The following CCR5AS variants were observed in gnomAD, a reference collection of about 807,000 sequenced individuals.
CCR5AS encodes the protein CCR5 antisense RNA.
chr3:46,403,361 C>T (rs1459742905), intron 1 of CCR5AS, among the ~76,000 whole-genome samples: 1 of 152,180 alleles, frequency 6.6e-6, no homozygotes, highest in Non-Finnish European at 1.5e-5. Flanking sequence ...CATCCCTTCC[C>T]TGAACTAAAT....
intron 2 of CCR5AS, among the ~76,000 whole-genome samples, chr3:46,379,025 AT>A (rs1224887957): frequency 9.5e-5 from 9 of 95,138 alleles, no homozygotes; most frequent in South Asian, 3.1e-4. Flanking sequence ...TTTTACTTCT[AT>A]TTTTTTTATT....
intron 2 of CCR5AS, among the ~76,000 whole-genome samples, chr3:46,390,526 G>A (rs1037433110): frequency 1.2e-4 from 18 of 152,076 alleles, no homozygotes; most frequent in South Asian, 4.2e-4. Flanking sequence ...GGCATTGAGC[G>A]GGGTAAGGGT....
At chr3:46,373,131 C>G in intron 2 of CCR5AS, 2 of 1,614,180 alleles carry the variant, frequency 1.2e-6, no homozygotes, top group Non-Finnish European at 1.7e-6. Flanking sequence ...CATCTCTGAC[C>G]TGTTTTTCCT....
At chr3:46,374,017 C>A in intron 2 of CCR5AS, 1 of 1,310,518 alleles carries the variant, frequency 7.6e-7, no homozygotes, top group Non-Finnish European at 1.1e-6. Context: ...GCTTAGTTTT[C>A]ATACACAGCC....
intron 2 of CCR5AS, chr3:46,373,400 T>C (rs1457923746): frequency 6.2e-7 from 1 of 1,612,588 alleles, no homozygotes; most frequent in African/African-American, 1.3e-5. Flanking sequence ...GAATCATCTT[T>C]ACCAGATCTC....
At chr3:46,377,612 C>T (rs1701774829) in intron 2 of CCR5AS, among the ~76,000 whole-genome samples, 1 of 152,188 alleles carries the variant, frequency 6.6e-6, no homozygotes, top group African/African-American at 2.4e-5. Flanking sequence ...AACATAACTG[C>T]TCAAGTGTTA....
At chr3:46,403,209 CGT>C (rs1164370415) in intron 1 of CCR5AS, among the ~76,000 whole-genome samples, 11 of 152,168 alleles carry the variant, frequency 7.2e-5, no homozygotes. Context: ...CATTCACATG[CGT>C]GTGTCTTCAT....
intron 2 of CCR5AS, among the ~76,000 whole-genome samples, chr3:46,380,991 C>T (rs1701810555): frequency 6.6e-6 from 1 of 152,038 alleles, no homozygotes; most frequent in South Asian, 2.1e-4. Flanking sequence ...CATAACAGAA[C>T]ATTCCCCAAG....
At chr3:46,400,839 T>C (rs993986445) in intron 1 of CCR5AS, among the ~76,000 whole-genome samples, 1 of 152,140 alleles carries the variant, frequency 6.6e-6, no homozygotes, top group African/African-American at 2.4e-5. Context: ...GTTGGAGAAG[T>C]GGAGCCCACA....
At chr3:46,391,835 G>A (rs1411880853) in intron 2 of CCR5AS, among the ~76,000 whole-genome samples, 1 of 152,102 alleles carries the variant, frequency 6.6e-6, no homozygotes, top group Non-Finnish European at 1.5e-5. Flanking sequence ...GCCTGGGGAG[G>A]AGGGGAGAAA....
intron 2 of CCR5AS, among the ~76,000 whole-genome samples, chr3:46,391,771 A>T (rs781776438): frequency 4.6e-5 from 7 of 152,126 alleles, no homozygotes; most frequent in Non-Finnish European, 1.0e-4. Context: ...TTTATAGGGT[A>T]GGGGAGCAGA....
At chr3:46,367,262 C>T (rs1384817556) in intron 3 of CCR5AS, among the ~76,000 whole-genome samples, 1 of 151,512 alleles carries the variant, frequency 6.6e-6, no homozygotes, top group African/African-American at 2.4e-5. Context: ...ACTCACCAAG[C>T]TGTACCACTA....
At chr3:46,389,151 CTT>C (rs1401755069) in intron 2 of CCR5AS, among the ~76,000 whole-genome samples, 1 of 152,054 alleles carries the variant, frequency 6.6e-6, no homozygotes, top group African/African-American at 2.4e-5. Context: ...GATAAATAGA[CTT>C]AATAGAATGA....
intron 2 of CCR5AS, chr3:46,373,448 T>G (rs772530777): frequency 6.4e-5 from 101 of 1,578,414 alleles, no homozygotes; most frequent in Non-Finnish European, 8.8e-5. Context: ...GCTCTCATTT[T>G]CCATACAGTC....
At chr3:46,373,133 GT>G (rs1444201344) in intron 2 of CCR5AS, 2 of 1,614,036 alleles carry the variant, frequency 1.2e-6, no homozygotes, top group African/African-American at 2.7e-5. Context: ...TCTCTGACCT[GT>G]TTTTCCTTCT....
intron 1 of CCR5AS, among the ~76,000 whole-genome samples, chr3:46,406,497 A>G (rs11574436): frequency 0.26 from 38,779 of 150,836 alleles, 5,491 homozygotes; most frequent in African/African-American, 0.36. Context: ...TGTTCTCTCA[A>G]TTTCCTTCTC....
intron 1 of CCR5AS, among the ~76,000 whole-genome samples, chr3:46,399,799 T>C (rs1310490643): frequency 6.6e-6 from 1 of 151,990 alleles, no homozygotes; most frequent in South Asian, 2.1e-4. Context: ...TGAGAGTAAA[T>C]GGGAGTCATT....
At chr3:46,398,459 C>G (rs576547009) in intron 1 of CCR5AS, among the ~76,000 whole-genome samples, 1 of 152,220 alleles carries the variant, frequency 6.6e-6, no homozygotes, top group South Asian at 2.1e-4. Context: ...CTAGTATAAC[C>G]CTTAAAGATT....
intron 1 of CCR5AS, among the ~76,000 whole-genome samples, chr3:46,402,861 A>C (rs1038443738): frequency 1.3e-5 from 2 of 152,212 alleles, no homozygotes; most frequent in Non-Finnish European, 2.9e-5. Flanking sequence ...AGTACTCAAT[A>C]GGTATCTTTT....
Sources: allele counts gnomAD v4.1 joint callset (sites outside exome capture counted in the v4.1 genomes callset), GRCh38; gene constraint gnomAD v4.1.1; transcripts MANE v1.5; gene names NCBI Gene and HGNC (gene_info 2026-07-23, HGNC 2026-07-21).